The following CAPZB variants were observed in gnomAD, a reference collection of about 807,000 sequenced individuals.
CAPZB encodes capping actin protein of muscle Z-line subunit beta, also known as F-actin-capping protein subunit beta.
In CAPZB, 2 loss-of-function variants were observed where a neutral mutation model predicts 38.1. The ratio of observed to expected loss-of-function variants is 0.05; its 90% confidence interval spans 0.02 to 0.17. CAPZB has a LOEUF of 0.17. Ranked by LOEUF, CAPZB falls within the 10% of genes least tolerant of loss-of-function variation. CAPZB has a pLI of 1.00. For missense variants in CAPZB, 161 were observed against 334.2 expected (o/e 0.48, Z 4.04); for synonymous variants, 107 against 127.4 (o/e 0.84, Z 1.08).
chr1:19,350,484 AG>A (rs2093985829), intron 6 of CAPZB, among the ~76,000 whole-genome samples: 1 of 152,286 alleles, frequency 6.6e-6, no homozygotes, highest in Non-Finnish European at 1.5e-5. Context: ...GCGTGCAGCC[AG>A]GCCAGAAGAT....
At chr1:19,410,896 CA>C (rs1312872335) in intron 2 of CAPZB, among the ~76,000 whole-genome samples, 1 of 152,198 alleles carries the variant, frequency 6.6e-6, no homozygotes, top group Non-Finnish European at 1.5e-5. Context: ...CATCACCTAT[CA>C]GGTCAGAGAC....
At chr1:19,466,672 C>T (rs1211860488) in intron 1 of CAPZB, among the ~76,000 whole-genome samples, 2 of 152,194 alleles carry the variant, frequency 1.3e-5, no homozygotes. Context: ...CCAAGTCACG[C>T]TCCAGACTCC....
chr1:19,372,135 C>G (rs1222731320), intron 4 of CAPZB, among the ~76,000 whole-genome samples: 1 of 152,246 alleles, frequency 6.6e-6, no homozygotes, highest in Non-Finnish European at 1.5e-5. Flanking sequence ...TGAAGATTAT[C>G]TCAGAACTGA....
intron 1 of CAPZB, among the ~76,000 whole-genome samples, chr1:19,460,538 G>A (rs546762405): frequency 6.9e-6 from 1 of 145,518 alleles, no homozygotes; most frequent in East Asian, 2.1e-4. Context: ...GCCTCCCAAA[G>A]TGCTAGGATT....
intron 4 of CAPZB, among the ~76,000 whole-genome samples, chr1:19,367,723 G>A (rs549288917): frequency 6.4e-4 from 98 of 152,310 alleles, no homozygotes; most frequent in African/African-American, 2.2e-3. Flanking sequence ...AGGCATGTGC[G>A]ACTTTAATGC....
chr1:19,410,430 G>A (rs1282597978), intron 2 of CAPZB, among the ~76,000 whole-genome samples: 3 of 152,216 alleles, frequency 2.0e-5, no homozygotes, highest in Non-Finnish European at 4.4e-5. Context: ...GTCTGGGCAG[G>A]ATGCTTTCAA....
At chr1:19,412,816 G>C (rs12062411) in intron 2 of CAPZB, among the ~76,000 whole-genome samples, 2,522 of 152,240 alleles carry the variant, frequency 0.017, 71 homozygotes, top group African/African-American at 0.057. Flanking sequence ...AGCTGGGCAC[G>C]ACCATTAAAG....
chr1:19,404,040 C>A (rs1435945338), intron 2 of CAPZB, among the ~76,000 whole-genome samples: 1 of 152,028 alleles, frequency 6.6e-6, no homozygotes, highest in African/African-American at 2.4e-5. Flanking sequence ...TGAGACTAGC[C>A]TGGCCAACAT....
chr1:19,448,774 C>G, intron 1 of CAPZB: 3 of 1,602,460 alleles, frequency 1.9e-6, no homozygotes, highest in South Asian at 1.1e-5. Context: ...ACATTTCAAC[C>G]CTGATGGCCA....
At position 19,433,242 on chromosome 1, in the gene CAPZB, C is replaced by T. The variant is rs376335125; in HGVS notation, c.4-13492G>A. ...AATCCTGAGACGTCTTCAAGGGATG[C>T]CGTACATGTTGTCCATTTCCCACTC... is the stretch of plus-strand genomic sequence containing the variant. On this transcript the variant is annotated intron_variant, in intron 1 of 8. Coordinates refer to ENST00000264202, the MANE Select transcript of CAPZB (RefSeq NM_004930.5). 4.6e-5 allele frequency among the ~76,000 whole-genome samples: 7 copies of T among 152,328 alleles called. No homozygotes were observed. The East Asian group carries it at 1.2e-3, about 25-fold the overall frequency.
chr1:19,468,748 C>T (rs2094576695), intron 1 of CAPZB, among the ~76,000 whole-genome samples: 1 of 151,472 alleles, frequency 6.6e-6, no homozygotes, highest in Non-Finnish European at 1.5e-5. Flanking sequence ...TTAGTCATTT[C>T]CCCAGCACCC....
intron 1 of CAPZB, among the ~76,000 whole-genome samples, chr1:19,456,948 G>C (rs947852238): frequency 2.0e-5 from 3 of 152,218 alleles, no homozygotes; most frequent in African/African-American, 7.2e-5. Flanking sequence ...GGGCACTCTT[G>C]AAGATTTTCA....
intron 3 of CAPZB, among the ~76,000 whole-genome samples, chr1:19,384,068 G>A (rs1344328261): frequency 1.3e-5 from 2 of 152,172 alleles, no homozygotes; most frequent in Admixed American, 6.5e-5. Flanking sequence ...TCTCTTATAA[G>A]TCAGTATTAA....
intron 3 of CAPZB, among the ~76,000 whole-genome samples, chr1:19,384,481 C>T (rs1035371959): frequency 1.2e-4 from 18 of 152,228 alleles, no homozygotes; most frequent in Non-Finnish European, 2.1e-4. Context: ...CTACTATTTC[C>T]GTTTTACAGA....
At chr1:19,435,779 T>G (rs1357253408) in intron 1 of CAPZB, among the ~76,000 whole-genome samples, 1 of 152,140 alleles carries the variant, frequency 6.6e-6, no homozygotes, top group African/African-American at 2.4e-5. Context: ...CCAGAACCTG[T>G]GTGCCTACTC....
chr1:19,394,322 T>C (rs909494769), intron 2 of CAPZB, among the ~76,000 whole-genome samples: 3 of 152,226 alleles, frequency 2.0e-5, no homozygotes, highest in Non-Finnish European at 4.4e-5. Flanking sequence ...ACAGCCTGCT[T>C]TCTTCCTGTG....
At chr1:19,434,311 C>T (rs76068785) in intron 1 of CAPZB, among the ~76,000 whole-genome samples, 3,899 of 152,014 alleles carry the variant, frequency 0.026, 70 homozygotes, top group African/African-American at 0.041. Context: ...ATCTGTTTAG[C>T]GGCAATAATA....
chr1:19,363,973 A>G lies in CAPZB; in HGVS notation c.330-6410T>C, dbSNP rs191246774. 3.1e-4 allele frequency among the ~76,000 whole-genome samples: 47 copies of G among 152,328 alleles called. No individual in the cohort carries two copies. The East Asian group carries it at 7.9e-3, about 26-fold the overall frequency. On this transcript the variant is annotated intron_variant, in intron 4 of 8. Coordinates refer to ENST00000264202, the MANE Select transcript of CAPZB (RefSeq NM_004930.5). ...GCCAAGAAACAGACTCTGTGGTTCT[A>G]GGGTTCACTGAGACATGTCCTTCTG...
At chr1:19,484,510 G>A in intron 1 of CAPZB, 2 of 1,363,756 alleles carry the variant, frequency 1.5e-6, no homozygotes. Flanking sequence ...CTGCCTTCTG[G>A]GCACACCGAT....
Sources: allele counts gnomAD v4.1 joint callset (sites outside exome capture counted in the v4.1 genomes callset), GRCh38; gene constraint gnomAD v4.1.1; transcripts MANE v1.5; gene names NCBI Gene and HGNC (gene_info 2026-07-23, HGNC 2026-07-21).